The following TTN variants were observed in gnomAD, a reference collection of about 807,000 sequenced individuals.
TTN encodes connectin.
TTN carries 1,525 observed loss-of-function variants against 3,223.0 expected under a neutral mutation model. The ratio of observed to expected loss-of-function variants is 0.47; its 90% confidence interval spans 0.45 to 0.49. The LOEUF (loss-of-function observed/expected upper bound fraction) is 0.49. Ranked by LOEUF, TTN falls within the 20% of genes least tolerant of loss-of-function variation. The probability of loss-of-function intolerance (pLI) is 0.00; values close to 1 mark genes in which losing one functional copy is unlikely to be tolerated. For synonymous variants in TTN, 14,094 were observed against 15,161.0 expected (o/e 0.93, Z 5.17); for missense variants, 40,786 against 43,424.0 (o/e 0.94, Z 5.40).
chr2:178,702,337 T>C, intron 107 of TTN, 92 bp from the exon 108 acceptor site: 5 of 1,605,878 alleles, frequency 3.1e-6, no homozygotes, highest in Non-Finnish European at 4.3e-6. Context: ...TTTACACTTG[T>C]CTTTTCTAAA....
Position 178,653,266 on chromosome 2 carries a change from A to G in TTN, c.38763T>C (p.Pro12921=). The G allele has an allele frequency of 6.2e-7, 1 of 1,612,580 alleles. No homozygotes were observed. Among genetic ancestry groups the G allele is most frequent in the Non-Finnish European group, 8.5e-7 (1 of 1,179,480 alleles). The change falls in exon 198 of 363, where the codon CCT becomes CCC. Residue 12921 remains proline, a synonymous_variant. Transcript: ENST00000589042. ...TAACAGGTGGGACTTCAGGCTTTTTAGGAGGAGCCAAGGGCACTTTCTTTT... is the reference window on the plus strand; with the variant it reads ...TAACAGGTGGGACTTCAGGCTTTTTGGGAGGAGCCAAGGGCACTTTCTTTT... ...VLEKKVPLAP[P]KKPEVPPVKV...
At position 178,739,421 on chromosome 2, in the gene TTN, A is replaced by G. The variant is rs2154317542; in HGVS notation, c.13812T>C (p.Asp4604=). 27 of 1,613,808 alleles carry G rather than the reference A, an allele frequency of 1.7e-5. No individual in the cohort carries two copies. Among genetic ancestry groups the G allele is most frequent in the Non-Finnish European group, 2.3e-5 (27 of 1,179,820 alleles). Residue 4604 remains aspartate, a synonymous_variant, in exon 48 of 363, where the codon GAT becomes GAC. Transcript: ENST00000589042. Reference sequence around the variant, plus strand: ...CTAAAGGTGTATGTATCATGGGGCCATCCTCTTTGATTAAGCCACCCTCAG... The same window carrying G: ...CTAAAGGTGTATGTATCATGGGGCCGTCCTCTTTGATTAAGCCACCCTCAG... ...QEAEGGLIKE[D]GPMIHTPLVD...
Position 178,632,421 on chromosome 2 carries a change from G to GAAA in TTN, c.43481-11_43481-9dup. On this transcript the variant is annotated splice_polypyrimidine_tract_variant and intron_variant, in intron 235 of 362. Coordinates refer to ENST00000589042, the MANE Select transcript of TTN (RefSeq NM_001267550.2). The stretch of plus-strand genomic sequence containing the variant: ...GGAATTTGAGCCGGATTCCTATCAA[G>GAAA]AAAAAAAAGAAAGAACTTATTAATT... The GAAA allele has an allele frequency of 6.4e-7, 1 of 1,567,780 alleles. No homozygotes were observed. Among genetic ancestry groups the GAAA allele is most frequent in the Non-Finnish European group, 8.6e-7 (1 of 1,162,880 alleles).
In TTN at chr2:178,615,377, A is replaced by G. The variant is rs1294316721; in HGVS notation, c.48568T>C (p.Tyr16190His). 6.2e-7 allele frequency: 1 copy of G among 1,612,562 alleles called. No homozygotes were observed. Among genetic ancestry groups the G allele is most frequent in the South Asian group, 1.1e-5 (1 of 91,010 alleles). The change falls in exon 259 of 363, where the codon TAT becomes CAT. Residue 16190 changes from tyrosine to histidine, a missense_variant. By Grantham distance (83) the Tyr-to-His change is moderately conservative. Transcript: ENST00000589042. ...KNDGGSRIKG[Y>H]IVERCPRGSD... is the part of the protein sequence containing the mutation. ...CCACGTGGACATCTTTCAACTATAT[A>G]TCCTTTGATGCGTGAACCACCATCA... is the stretch of plus-strand genomic sequence containing the variant.
chr2:178,745,896 C>G (rs755160635), intron 47 of TTN: 2 of 1,612,060 alleles, frequency 1.2e-6, no homozygotes, highest in Non-Finnish European at 1.7e-6. Flanking sequence ...AAAAAACTGT[C>G]TGTGTAGTTG....
In TTN at chr2:178,806,653, G is replaced by T. The variant is rs184249425; in HGVS notation, c.-14+559C>A. Among the ~76,000 whole-genome samples, 445 of 152,266 alleles carry T rather than the reference G, an allele frequency of 2.9e-3. 5 individuals carry two copies. Among genetic ancestry groups the T allele is most frequent in the Non-Finnish European group, 1.4e-3 (97 of 68,014 alleles). On this transcript the variant is annotated intron_variant, in intron 1 of 362. Transcript: ENST00000589042. Reference sequence around the variant, plus strand: ...TAGCACTTGCTCTTCACAGGCCTTTGTCTAACTGGGGCTGAAGGTATGCGT... The same window carrying T: ...TAGCACTTGCTCTTCACAGGCCTTTTTCTAACTGGGGCTGAAGGTATGCGT...
Position 178,651,229 on chromosome 2 carries a change from T to C in TTN, c.39625+14A>G. Reference sequence around the variant, plus strand: ...GTGAGTGCTTTTCTGCAGAATCTCATTAGTGACATGTACCTTTTGCTGGTG... The same window carrying C: ...GTGAGTGCTTTTCTGCAGAATCTCACTAGTGACATGTACCTTTTGCTGGTG... On this transcript the variant is annotated intron_variant, in intron 208 of 362. Coordinates refer to ENST00000589042, the MANE Select transcript of TTN (RefSeq NM_001267550.2). The C allele has an allele frequency of 6.2e-7, 1 of 1,607,890 alleles. No individual in the cohort carries two copies. Among genetic ancestry groups the C allele is most frequent in the South Asian group, 1.1e-5 (1 of 90,446 alleles).
At chr2:178,604,336 AG>A in intron 281 of TTN, 31 bp from the exon 282 acceptor site, 7 of 1,423,888 alleles carry the variant, frequency 4.9e-6, no homozygotes, top group Non-Finnish European at 6.5e-6. Context: ...AATTTATTGA[AG>A]AGAATATACT....
chr2:178,568,847 G>T lies in TTN; in HGVS notation c.77285C>A (p.Thr25762Asn). ...TCTAAAAAGATATTCTTCCCCTTGA[G>T]TTAGGTTGGTAATTACTGCCTGAAG... ...KSLQAVITNLTQGEEYLFRVV... is the reference protein window; with the variant it reads ...KSLQAVITNLNQGEEYLFRVV... Residue 25762 changes from threonine (T) to asparagine (N), a missense_variant, in exon 326 of 363, where the codon ACT (threonine) becomes AAT (asparagine). Physicochemically the swap from Thr to Asn is moderately conservative, Grantham distance 65 (BLOSUM62 0). Transcript: ENST00000589042. 2 of 1,613,090 alleles carry T rather than the reference G, an allele frequency of 1.2e-6. No homozygotes were observed. Among genetic ancestry groups the T allele is most frequent in the Non-Finnish European group, 1.7e-6 (2 of 1,179,552 alleles).
In TTN at chr2:178,749,653, C is replaced by T. The variant is rs1228119781; in HGVS notation, c.11311+3471G>A. On this transcript the variant is annotated intron_variant, in intron 47 of 362. Coordinates refer to ENST00000589042, the MANE Select transcript of TTN (RefSeq NM_001267550.2). ...GACTATTTTCTCTATAAGTGACAGG[C>T]TCCACTGTTAGATCTGAAACACTTT... 1.3e-5 allele frequency: 21 copies of T among 1,612,778 alleles called. No individual in the cohort carries two copies. Among genetic ancestry groups the T allele is most frequent in the Non-Finnish European group, 1.8e-5 (21 of 1,179,368 alleles).
At chr2:178,725,097 T>G (rs547263653) in intron 71 of TTN, 22 of 353,704 alleles carry the variant, frequency 6.2e-5, no homozygotes, top group Middle Eastern at 7.3e-4. Flanking sequence ...TCTGTATTCT[T>G]TCATGCTTAA....
At chr2:178,623,067 A>G (rs1310137734) in intron 242 of TTN, among the ~76,000 whole-genome samples, 1 of 151,876 alleles carries the variant, frequency 6.6e-6, no homozygotes, top group East Asian at 1.9e-4. Context: ...CTGGAGGAAA[A>G]ATCTTCATTT....
Position 178,677,212 on chromosome 2 carries a change from G to A in TTN, c.34367C>T (p.Pro11456Leu), listed in dbSNP as rs2068263210. 8.2e-7 allele frequency: 1 copy of A among 1,224,536 alleles called. No homozygotes were observed. The highest frequency in any genetic ancestry group is 4.3e-5 in the Admixed American group (1 of 23,396). The allele number at this position is 1,224,536 out of a possible 1,614,324, so 75.9% of individuals were successfully genotyped here. Residue 11456 changes from proline to leucine, a missense_variant, in exon 147 of 363, where the codon CCA (proline) becomes CTA (leucine). Physicochemically the swap from Pro to Leu is moderately conservative, Grantham distance 98. Coordinates refer to ENST00000589042, the MANE Select transcript of TTN (RefSeq NM_001267550.2). Reference sequence around the variant, plus strand: ...TTGGGGAGGTGTACCTTTGGGTGGTGGTGGAGGTTCCACTTTTTTAGGGGC... The same window carrying A: ...TTGGGGAGGTGTACCTTTGGGTGGTAGTGGAGGTTCCACTTTTTTAGGGGC... ...VPAPKKVEPP[P>L]PPKVPEIKKK...
In TTN at chr2:178,618,176, TA is replaced by T. The variant is rs749143266; in HGVS notation, c.47269+12del. On this transcript the variant is annotated intron_variant, in intron 252 of 362. Coordinates refer to ENST00000589042, the MANE Select transcript of TTN (RefSeq NM_001267550.2). ...ACTTAAAAGCTAACTTGAATTTACT[TA>T]AAACTTCTTACCATATTTACTCCTT... The T allele has an allele frequency of 6.2e-7, 1 of 1,610,974 alleles. No individual in the cohort carries two copies. Among genetic ancestry groups the T allele is most frequent in the South Asian group, 1.1e-5 (1 of 90,494 alleles).
In TTN at chr2:178,598,913, T is replaced by C. The variant is rs780239769; in HGVS notation, c.56797A>G (p.Arg18933Gly). 5 of 1,613,030 alleles carry C rather than the reference T, an allele frequency of 3.1e-6. No individual in the cohort carries two copies. The highest frequency in any genetic ancestry group is 4.5e-5 in the East Asian group (2 of 44,676). Residue 18933 changes from arginine (R) to glycine (G), a missense_variant, in exon 291 of 363, where the codon AGA (arginine) becomes GGA (glycine). Physicochemically the swap from Arg to Gly is moderately radical, Grantham distance 125. Transcript: ENST00000589042. ...GCTTTGATAGGATCTCGGTTAACTC[T>C]CTTCCATCTCTTTGAAGTGGTGTCT... ...MKDTTSKRWK[R>G]VNRDPIKAMT...
At chr2:178,789,769 A>G (rs2093391507) in intron 12 of TTN, among the ~76,000 whole-genome samples, 1 of 152,200 alleles carries the variant, frequency 6.6e-6, no homozygotes, top group African/African-American at 2.4e-5. Flanking sequence ...AATAATGGTG[A>G]ATAAAATGAA....
chr2:178,750,875 A>T (rs1422675808), intron 47 of TTN: 1 of 1,612,914 alleles, frequency 6.2e-7, no homozygotes, highest in East Asian at 2.2e-5. Context: ...ATTGGCCATA[A>T]TTTCTTCCAG....
At chr2:178,680,416 G>T in intron 138 of TTN, 85 bp from the exon 139 acceptor site, 1 of 1,089,586 alleles carries the variant, frequency 9.2e-7, no homozygotes, top group Non-Finnish European at 1.4e-6. Context: ...TAAGCAGATA[G>T]AATAATGTAT....
chr2:178,670,482 G>A (rs912308972), intron 156 of TTN, among the ~76,000 whole-genome samples, 187 bp from the exon 157 acceptor site: 4 of 151,674 alleles, frequency 2.6e-5, no homozygotes, highest in African/African-American at 9.7e-5. Flanking sequence ...AAAAATCCAG[G>A]GAAATTTCCC....
Sources: gnomAD v4.1 joint callset for allele counts (sites outside exome capture counted in the v4.1 genomes callset) on GRCh38, gnomAD v4.1.1 for gene constraint, MANE v1.5 for transcripts, NCBI Gene and HGNC (gene_info 2026-07-23, HGNC 2026-07-21) for gene names.